The following HAUS7 variants were observed in gnomAD, a reference collection of about 807,000 sequenced individuals.
HAUS7 encodes HAUS augmin like complex subunit 7.
In HAUS7, 3 loss-of-function variants were observed where a neutral mutation model predicts 28.4. The observed-to-expected ratio is 0.11, with a 90% CI of 0.05 to 0.27. The LOEUF (loss-of-function observed/expected upper bound fraction) is 0.27. Ranked by LOEUF, HAUS7 falls within the 10% of genes least tolerant of loss-of-function variation. The pLI, the probability that HAUS7 is intolerant of heterozygous loss-of-function variation, is 1.00. For missense variants in HAUS7, 284 were observed against 297.3 expected, an observed-to-expected ratio of 0.96 and a Z score of 0.33; for synonymous variants, 165 against 132.1, an observed-to-expected ratio of 1.25 and a Z score of -1.71.
chrX:153,462,580 C>T (rs782217699), intron 4 of HAUS7, 30 bp downstream of exon 4: 4 of 1,088,544 alleles, frequency 3.7e-6, no homozygotes, highest in African/African-American at 1.8e-5. Context: ...GCGTGCGTGC[C>T]GTCTGCAGAG....
chrX:153,461,703 G>A, intron 4 of HAUS7: 1 of 189,589 alleles, frequency 5.3e-6, no homozygotes, highest in Non-Finnish European at 9.8e-6. Context: ...CCCACACCGA[G>A]CAGGGTGGCT....
chrX:153,459,975 A>G (rs1424976240), intron 4 of HAUS7, among the ~76,000 whole-genome samples: 3 of 112,403 alleles, frequency 2.7e-5, no homozygotes, highest in African/African-American at 9.7e-5. Context: ...ATTAAAACTC[A>G]GGACTACAAG....
At chrX:153,447,991 C>T in intron 9 of HAUS7, 82 bp from the exon 10 acceptor site, 3 of 751,617 alleles carry the variant, frequency 4.0e-6, no homozygotes, top group Non-Finnish European at 6.2e-6. Flanking sequence ...GTGGCGATTC[C>T]TCAGGGATCT....
At chrX:153,459,757 C>T (rs974920440) in intron 4 of HAUS7, among the ~76,000 whole-genome samples, 1 of 112,365 alleles carries the variant, frequency 8.9e-6, no homozygotes. Context: ...GGCTCATGCC[C>T]GTCATCCCAG....
chrX:153,492,732 A>AC (rs1302203852), intron 1 of HAUS7, among the ~76,000 whole-genome samples: 2 of 103,069 alleles, frequency 1.9e-5, no homozygotes, highest in Non-Finnish European at 4.0e-5. Flanking sequence ...GTCTCCCCAC[A>AC]CCCCCCCGCA....
rs1399142062 is a variant in HAUS7 at position 153,469,147 on chromosome X, G to A, written c.223C>T (p.Arg75Trp). 1.8e-6 allele frequency: 2 copies of A among 1,086,023 alleles called. No individual in the cohort carries two copies. Among genetic ancestry groups the A allele is most frequent in the Non-Finnish European group, 2.6e-6 (2 of 781,291 alleles). The allele number at this position is 1,086,023 out of a possible 1,213,427, so 89.5% of individuals were successfully genotyped here. A position where few individuals can be genotyped will look rare whatever the true frequency, so the allele number is the denominator to read the frequency against. The change falls in exon 2 of 10, where the codon CGG becomes TGG. Residue 75 changes from arginine to tryptophan, a missense_variant and splice_region_variant. Coordinates refer to ENST00000370211, the MANE Select transcript of HAUS7 (RefSeq NM_001385482.1). Reference protein sequence around the residue: ...RLEILEWMCTRVWPSLQDRFS... With the variant: ...RLEILEWMCTWVWPSLQDRFS... Reference sequence around the variant, plus strand: ...AAGAGGAAGAAACTGATGCATTACCGGGTACACATCCACTCTAGGATCTCC... The same window carrying A: ...AAGAGGAAGAAACTGATGCATTACCAGGTACACATCCACTCTAGGATCTCC...
chrX:153,460,821 GCCA>G (rs1319169965), intron 4 of HAUS7, among the ~76,000 whole-genome samples: 2 of 112,134 alleles, frequency 1.8e-5, no homozygotes, highest in African/African-American at 3.2e-5. Flanking sequence ...AGCTGGCCGT[GCCA>G]CCACCATCAC....
At chrX:153,454,825 G>T in intron 8 of HAUS7, 2 of 845,205 alleles carry the variant, frequency 2.4e-6, no homozygotes, top group Admixed American at 2.8e-5. Context: ...ATTGGCAAGG[G>T]GGGAAAATAA....
intron 7 of HAUS7, 99 bp downstream of exon 7, chrX:153,456,166 G>T: frequency 1.6e-6 from 1 of 630,618 alleles, no homozygotes; most frequent in Non-Finnish European, 2.6e-6. Context: ...TGTCAGGCCC[G>T]GTGCACAGGC....
At chrX:153,470,771 AGGGCGGACACAGGGAAGGGGGCG>A (rs1442053977), upstream of HAUS7, 107 of 489,180 alleles carry the variant, frequency 2.2e-4, 1 homozygote, top group African/African-American at 1.1e-3. Context: ...TGAAGCGGGC[AGGGCGGACACAGGGAAGGGGGCG>A]GGGCGGACAC....
chrX:153,473,273 G>A (rs2089541355), upstream of HAUS7, among the ~76,000 whole-genome samples: 1 of 113,053 alleles, frequency 8.8e-6, no homozygotes, highest in Admixed American at 9.2e-5. Flanking sequence ...ATCAAAGGAA[G>A]CTGAAGTCCA....
intron 1 of HAUS7, chrX:153,482,728 T>C (rs1356292195): frequency 1.3e-6 from 1 of 755,811 alleles, no homozygotes; most frequent in African/African-American, 2.3e-5. Flanking sequence ...CTCAGCCAGC[T>C]GTTGACGCTG....
At chrX:153,489,401 G>A (rs1348469210) in intron 1 of HAUS7, among the ~76,000 whole-genome samples, 1 of 112,969 alleles carries the variant, frequency 8.9e-6, no homozygotes, top group Non-Finnish European at 1.9e-5. Context: ...CCTCCTCTTC[G>A]GGGTGGCTGC....
At chrX:153,479,606 G>A (rs1402062699) in intron 1 of HAUS7, among the ~76,000 whole-genome samples, 1 of 112,585 alleles carries the variant, frequency 8.9e-6, no homozygotes, top group Non-Finnish European at 1.9e-5. Flanking sequence ...TGCTGGGGAG[G>A]AGTTGCTCTG....
chrX:153,487,045 C>T (rs992491907), intron 1 of HAUS7: 4 of 258,506 alleles, frequency 1.5e-5, no homozygotes, highest in Non-Finnish European at 2.9e-5. Context: ...GCAGGCTCAC[C>T]AGCCAGCCTC....
chrX:153,456,697 T>C, intron 5 of HAUS7, 46 bp from the exon 6 acceptor site: 1 of 1,062,543 alleles, frequency 9.4e-7, no homozygotes, highest in Non-Finnish European at 1.3e-6. Context: ...GCCAGAGCAC[T>C]CGCCCAGCAG....
intron 1 of HAUS7, among the ~76,000 whole-genome samples, chrX:153,489,692 C>T (rs936448931): frequency 1.3e-4 from 15 of 112,427 alleles, no homozygotes; most frequent in Admixed American, 9.3e-5. Flanking sequence ...CCTGTGTCTC[C>T]GGCCTGAGAC....
chrX:153,491,158 G>C (rs2089668986), intron 1 of HAUS7, among the ~76,000 whole-genome samples: 1 of 111,572 alleles, frequency 9.0e-6, no homozygotes, highest in African/African-American at 3.3e-5. Context: ...CCCAGTTCTT[G>C]TTTCCAGACC....
At position 153,488,098 on chromosome X, in the gene HAUS7, G is replaced by A. The variant is rs782247111; in HGVS notation, c.-589+7276C>T. 6.2e-5 allele frequency among the ~76,000 whole-genome samples: 7 copies of A among 112,866 alleles called. No individual in the cohort carries two copies. The South Asian group carries it at 1.1e-3, about 18-fold the overall frequency. On this transcript the variant is annotated intron_variant, in intron 1 of 5. Coordinates refer to the HAUS7 transcript ENST00000370210. The stretch of plus-strand genomic sequence containing the variant: ...CCAGGTGACAGGCATGAAGGATGCC[G>A]CAGGAGAGGGCCCAGCAGAGACACA...
Sources: gnomAD v4.1 joint callset for allele counts (sites outside exome capture counted in the v4.1 genomes callset) on GRCh38, gnomAD v4.1.1 for gene constraint, MANE v1.5 for transcripts, NCBI Gene and HGNC (gene_info 2026-07-23, HGNC 2026-07-21) for gene names.